The following SLC38A10 variants were observed in gnomAD, a reference collection of about 807,000 sequenced individuals.
SLC38A10 encodes solute carrier family 38 member 10, also known as Sodium-coupled neutral amino acid transporter 10.
SLC38A10 carries 53 observed loss-of-function variants against 81.0 expected under a neutral mutation model. The ratio of observed to expected loss-of-function variants is 0.65; its 90% CI spans 0.53 to 0.82. SLC38A10 has a LOEUF of 0.82. Among genes scored for constraint, SLC38A10 ranks in the 40% least tolerant of loss-of-function variants. The pLI is 0.00. For missense variants in SLC38A10, 1,471 were observed against 1,545.0 expected, an observed-to-expected ratio of 0.95 and a Z score of 0.80; for synonymous variants, 665 against 655.3, an observed-to-expected ratio of 1.01 and a Z score of -0.23.
intron 10 of SLC38A10, among the ~76,000 whole-genome samples, chr17:81,268,393 TTTC>T (rs994979433): frequency 5.9e-5 from 9 of 152,144 alleles, no homozygotes; most frequent in East Asian, 1.9e-4. Context: ...CTTTTTTCTT[TTTC>T]TTCTTCTTTT....
intron 14 of SLC38A10, among the ~76,000 whole-genome samples, chr17:81,248,294 G>A (rs577176525): frequency 3.3e-5 from 5 of 152,280 alleles, no homozygotes; most frequent in South Asian, 2.1e-4. Context: ...GAGCTGGAGC[G>A]TCAGTGAGGC....
rs1427240456 is a variant in SLC38A10, at chr17:81,253,598, CCACCACCAT to C, written c.1289-367_1289-359del. ...GTCATCACCGTCACCTCCACCACCA[CCACCACCAT>C]CACCGCTATCATCACCATCATCTCC... is the stretch of plus-strand genomic sequence containing the variant. On this transcript the variant is annotated intron_variant, in intron 11 of 15. Transcript: ENST00000374759. This position sits in a 1 kb window ranked among gnomAD's most constrained non-coding sequence, Gnocchi z 4.1. 2.0e-5 allele frequency among the ~76,000 whole-genome samples: 3 copies of C among 151,914 alleles called. No individual in the cohort carries two copies. The highest frequency in any genetic ancestry group is 7.3e-5 in the African/African-American group (3 of 41,328).
Position 81,294,813 on chromosome 17 carries a change from C to A in SLC38A10, c.99+10G>T. On this transcript the variant is annotated intron_variant, in intron 1 of 15. Transcript: ENST00000374759. ...GCGAGGGCGGTGATCTCCGGGCCCACCGGACTCACCTGTTTGAAGCAGAAG... is the reference window on the plus strand; with the variant it reads ...GCGAGGGCGGTGATCTCCGGGCCCAACGGACTCACCTGTTTGAAGCAGAAG... The A allele has an allele frequency of 6.3e-7, 1 of 1,575,556 alleles. No individual in the cohort carries two copies.
Position 81,265,108 on chromosome 17 carries a change from T to C in SLC38A10, c.1132-4714A>G. 6.6e-6 allele frequency: 1 copy of C among 152,418 alleles called. No homozygotes were observed. The highest frequency in any genetic ancestry group is 1.5e-5 in the Non-Finnish European group (1 of 68,134). 9.4% of individuals were successfully genotyped at this position (152,418 alleles called of 1,614,324 possible). ...AATAAAGAACCAAACAGGGCGGGCG[T>C]GGTGGCTCACACCTATAATCCCAGC... On this transcript the variant is annotated intron_variant, in intron 10 of 15. Transcript: ENST00000374759. This position sits in a 1 kb window ranked among gnomAD's most constrained non-coding sequence, Gnocchi z 4.2.
chr17:81,284,001 ACTCAGCTTTT>A (rs987789595), intron 3 of SLC38A10, among the ~76,000 whole-genome samples: 1 of 151,754 alleles, frequency 6.6e-6, no homozygotes, highest in Non-Finnish European at 1.5e-5. Flanking sequence ...ACCAAACGAC[ACTCAGCTTTT>A]CTCAGCCTGG....
In SLC38A10 at chr17:81,270,979, A is replaced by G. The variant is rs2063110358; in HGVS notation, c.1070T>C (p.Ile357Thr). The G allele has an allele frequency of 6.2e-7, 1 of 1,613,676 alleles. No homozygotes were observed. The highest frequency in any genetic ancestry group is 1.3e-5 in the African/African-American group (1 of 74,908). Residue 357 changes from isoleucine (I) to threonine (T), a missense_variant, in exon 10 of 16, where the codon ATC becomes ACC. Physicochemically the swap from Ile to Thr is moderately conservative, Grantham distance 89 (BLOSUM62 -1). This residue lies in a region of SLC38A10 where 720 missense variants were observed against 827.7 expected (regional missense o/e 0.87). Coordinates refer to ENST00000374759, the MANE Select transcript of SLC38A10 (RefSeq NM_001037984.3). The surrounding 1 kb of genome is among the most constrained non-coding windows in gnomAD (Gnocchi z 4.0). ...GATCAGCGCCGGGCAGATGAAGCAG[A>G]TGAGGCTTCCCATGGTCGCTCCTGT... ...GLTGATMGSL[I>T]CFICPALIYK...
At chr17:81,268,397 T>G (rs1345842003) in intron 10 of SLC38A10, among the ~76,000 whole-genome samples, 1 of 152,100 alleles carries the variant, frequency 6.6e-6, no homozygotes, top group Non-Finnish European at 1.5e-5. Context: ...TTTCTTTTTC[T>G]TCTTCTTTTT....
intron 10 of SLC38A10, chr17:81,264,301 G>T: frequency 6.6e-6 from 1 of 152,510 alleles, no homozygotes. Context: ...CACAGCCTAA[G>T]AACTTCCTTT....
rs117302386 is a variant in SLC38A10, at chr17:81,267,869, G to A, written c.1131+3049C>T. On this transcript the variant is annotated intron_variant, in intron 10 of 15. Coordinates refer to ENST00000374759, the MANE Select transcript of SLC38A10 (RefSeq NM_001037984.3). ...AGCCTGTTGCCCTTGGAGACTCATC[G>A]ATCATTGGGACTAAGCAGACAAGAC... Among the ~76,000 whole-genome samples, 73 of 151,624 alleles carry A rather than the reference G, an allele frequency of 4.8e-4. 2 individuals are homozygous for A. Among genetic ancestry groups the A allele is most frequent in the Non-Finnish European group, 2.9e-4 (20 of 67,960 alleles).
At position 81,252,340 on chromosome 17, in the gene SLC38A10, G is replaced by A; in HGVS notation, c.1800C>T (p.Asp600=). 1 of 1,612,926 alleles carries A rather than the reference G, an allele frequency of 6.2e-7. No individual in the cohort carries two copies. The highest frequency in any genetic ancestry group is 8.5e-7 in the Non-Finnish European group (1 of 1,179,896). The part of the protein sequence containing the change: ...QPAKEDLGPG[D]RGLHPRPQAV... The stretch of plus-strand genomic sequence containing the variant: ...CCTGGGGCCGAGGATGCAGGCCCCT[G>A]TCTCCTGGCCCCAGGTCCTCCTTTG... The change falls in exon 13 of 16, where the codon GAC becomes GAT. Residue 600 remains aspartate (D), a synonymous_variant. Transcript: ENST00000374759.
rs1404700786 is a variant in SLC38A10 at position 81,289,848 on chromosome 17, G to A, written c.100-40C>T. 1.4e-5 allele frequency: 21 copies of A among 1,509,756 alleles called. No individual in the cohort carries two copies. The highest frequency in any genetic ancestry group is 1.7e-5 in the Non-Finnish European group (19 of 1,120,294). The allele number at this position is 1,509,756 out of a possible 1,614,324, so 93.5% of individuals were successfully genotyped here. On this transcript the variant is annotated intron_variant, in intron 1 of 15. Coordinates refer to ENST00000374759, the MANE Select transcript of SLC38A10 (RefSeq NM_001037984.3). The surrounding 1 kb of genome is among the most constrained non-coding windows in gnomAD (Gnocchi z 5.9). ...CAGGAACACATGTTCACAGCAGCAGGTGCTCCCCAGAGGCCCTCACCCCAC... is the reference window on the plus strand; with the variant it reads ...CAGGAACACATGTTCACAGCAGCAGATGCTCCCCAGAGGCCCTCACCCCAC...
At position 81,248,529 on chromosome 17, in the gene SLC38A10, T is replaced by C. The variant is rs577465026; in HGVS notation, c.2066-1468A>G. Among the ~76,000 whole-genome samples the C allele has an allele frequency of 1.3e-4, 20 of 152,384 alleles. No homozygotes were observed. The East Asian group carries it at 3.7e-3, about 28-fold the overall frequency. ...GCCAGTTATTTGCCGCAAGCGGCTG[T>C]GACTTATGTCATTTTTACAAGATGT... On this transcript the variant is annotated intron_variant, in intron 14 of 15. Transcript: ENST00000374759.
intron 8 of SLC38A10, 144 bp from the exon 9 acceptor site, chr17:81,272,771 C>A (rs1172990934): frequency 2.0e-6 from 1 of 508,276 alleles, no homozygotes; most frequent in Non-Finnish European, 3.4e-6. Context: ...GCAGGTGAGC[C>A]TGACCAGCAC....
At chr17:81,271,538 G>C (rs1416519901) in intron 9 of SLC38A10, among the ~76,000 whole-genome samples, 1 of 152,184 alleles carries the variant, frequency 6.6e-6, no homozygotes, top group Non-Finnish European at 1.5e-5. Flanking sequence ...GTCTGCTAGG[G>C]AGTGGGTGCA....
chr17:81,271,571 A>G (rs2063116218), intron 9 of SLC38A10, among the ~76,000 whole-genome samples: 1 of 152,194 alleles, frequency 6.6e-6, no homozygotes, highest in African/African-American at 2.4e-5. Flanking sequence ...AAATATGTTC[A>G]GAGCCTTCAA....
intron 8 of SLC38A10, 53 bp from the exon 9 acceptor site, chr17:81,272,680 C>G: frequency 7.5e-7 from 1 of 1,338,778 alleles, no homozygotes; most frequent in Non-Finnish European, 1.0e-6. Context: ...CTCCACCACT[C>G]TCCTAGAAAG....
At position 81,295,269 on chromosome 17, in the gene SLC38A10, T is replaced by A. The variant is rs1451131954; in HGVS notation, c.-348A>T. On this transcript the variant is annotated 5_prime_UTR_variant, in exon 1 of 16. Transcript: ENST00000374759. The stretch of plus-strand genomic sequence containing the variant: ...AGCCGCAGAGCCAGCTAGGGACACC[T>A]CAGCCCAACTCAGCTGCCGCCGCGG... 1 of 155,352 alleles carries A rather than the reference T, an allele frequency of 6.4e-6. No homozygotes were observed. The highest frequency in any genetic ancestry group is 1.4e-5 in the Non-Finnish European group (1 of 69,878). 9.6% of individuals were successfully genotyped at this position (155,352 alleles called of 1,614,324 possible).
intron 1 of SLC38A10, among the ~76,000 whole-genome samples, chr17:81,291,687 C>T (rs78545535): frequency 1.1e-3 from 166 of 152,266 alleles, no homozygotes; most frequent in African/African-American, 3.5e-3. Context: ...CACACAGGCA[C>T]GCACCCAGCA....
rs370716567 is a variant in SLC38A10, at chr17:81,266,623, AAAAAAAAAAGAAAAAG to A, written c.1131+4279_1131+4294del. Among the ~76,000 whole-genome samples the A allele has an allele frequency of 2.2e-3, 332 of 151,546 alleles. 4 individuals are homozygous for A. Among genetic ancestry groups the A allele is most frequent in the African/African-American group, 7.7e-3 (318 of 41,484 alleles). The stretch of plus-strand genomic sequence containing the variant: ...GACAGAGTGAGACTCCATCTCAAAA[AAAAAAAAAAGAAAAAG>A]AAAAAAAAAGAAAATCCAGCGGGAA... On this transcript the variant is annotated intron_variant, in intron 10 of 15. Transcript: ENST00000374759.
Sources: allele counts gnomAD v4.1 joint callset (sites outside exome capture counted in the v4.1 genomes callset), GRCh38; gene constraint gnomAD v4.1.1; regional missense constraint gnomAD v4.1.1; non-coding constraint Gnocchi (gnomAD v3.1); transcripts MANE v1.5; gene names NCBI Gene and HGNC (gene_info 2026-07-23, HGNC 2026-07-21).